CPD: variants seen among roughly 807,000 people sequenced by gnomAD.
CPD encodes metallocarboxypeptidase D.
Under a neutral mutation model 138.3 loss-of-function variants are expected in CPD, and 69 were observed. The observed-to-expected ratio is 0.50, with a 90% CI of 0.41 to 0.61. The LOEUF (loss-of-function observed/expected upper bound fraction) is 0.61. CPD is among the 20% of genes least tolerant of loss of function. CPD has a pLI of 0.00. For synonymous variants in CPD, 651 were observed against 642.1 expected, an observed-to-expected ratio of 1.01 and a Z score of -0.21; for missense variants, 1,432 against 1,733.3, an observed-to-expected ratio of 0.83 and a Z score of 3.09.
At chr17:30,455,530 A>G in intron 15 of CPD, 60 bp downstream of exon 15, 1 of 1,546,770 alleles carries the variant, frequency 6.5e-7, no homozygotes, top group Non-Finnish European at 8.8e-7. Context: ...ATCCCAATTA[A>G]GTAATGTCCC....
At chr17:30,460,092 A>G (rs1421572874) in intron 17 of CPD, among the ~76,000 whole-genome samples, 1 of 152,250 alleles carries the variant, frequency 6.6e-6, no homozygotes, top group Admixed American at 6.5e-5. Context: ...GAAATTAAAG[A>G]CACAAAAAAT....
At chr17:30,419,930 A>G (rs1452356667) in intron 2 of CPD, among the ~76,000 whole-genome samples, 2 of 152,246 alleles carry the variant, frequency 1.3e-5, no homozygotes, top group Non-Finnish European at 2.9e-5. Context: ...GTGTGACATC[A>G]TCTGAGATGC....
intron 2 of CPD, among the ~76,000 whole-genome samples, chr17:30,392,899 T>C (rs1343145184): frequency 2.6e-5 from 4 of 152,224 alleles, no homozygotes; most frequent in Non-Finnish European, 5.9e-5. Flanking sequence ...AGAAATATAG[T>C]TGTCAGGCCT....
intron 13 of CPD, among the ~76,000 whole-genome samples, 164 bp from the exon 14 acceptor site, chr17:30,451,547 T>C (rs1022570360): frequency 2.6e-5 from 4 of 152,208 alleles, no homozygotes; most frequent in Non-Finnish European, 5.9e-5. Flanking sequence ...TTTTAATATA[T>C]TTGAAGCAAA....
At chr17:30,406,313 T>C (rs1233675121) in intron 2 of CPD, among the ~76,000 whole-genome samples, 3 of 152,160 alleles carry the variant, frequency 2.0e-5, no homozygotes, top group Non-Finnish European at 4.4e-5. Context: ...ATCTGACTTT[T>C]AGTAATTGTT....
intron 2 of CPD, among the ~76,000 whole-genome samples, chr17:30,396,750 T>C (rs965362845): frequency 2.6e-5 from 4 of 152,222 alleles, no homozygotes; most frequent in African/African-American, 9.6e-5. Flanking sequence ...ATGGTTACAC[T>C]TTGAGTCTTG....
At position 30,456,273 on chromosome 17, in the gene CPD, C is replaced by T. The variant is rs1913290385; in HGVS notation, c.3355C>T (p.Leu1119=). 1 of 1,613,824 alleles carries T rather than the reference C, an allele frequency of 6.2e-7. No homozygotes were observed. The highest frequency in any genetic ancestry group is 1.3e-5 in the African/African-American group (1 of 74,920). The change falls in exon 16 of 21, where the codon CTG becomes TTG. Residue 1119 remains leucine (L), a synonymous_variant. Coordinates refer to ENST00000225719, the MANE Select transcript of CPD (RefSeq NM_001304.5). ...TTCTATAGTGGAAAATAAAGAGACT[C>T]TGAAGCATTTGGCATCTCTTTATGC... is the stretch of plus-strand genomic sequence containing the variant. The part of the protein sequence containing the change: ...PVQTVENKET[L]KHLASLYANN...
chr17:30,456,771 G>A (rs1597737228), intron 17 of CPD: 1 of 372,652 alleles, frequency 2.7e-6, no homozygotes, highest in East Asian at 5.5e-5. Context: ...GAACCTGGGA[G>A]GCGGAGGTTG....
chr17:30,379,768 A>G lies in CPD; in HGVS notation c.746+42A>G, dbSNP rs545895021. On this transcript the variant is annotated intron_variant, in intron 1 of 20. Coordinates refer to ENST00000225719, the MANE Select transcript of CPD (RefSeq NM_001304.5). This position sits in a 1 kb window ranked among gnomAD's most constrained non-coding sequence, Gnocchi z 7.0. ...CCCTCCCCGTCCGTGTGAGCCTCCA[A>G]GGGCCGAGGCTGGTTCCGGCACCCA... 11 of 1,362,614 alleles carry G rather than the reference A, an allele frequency of 8.1e-6. No individual in the cohort carries two copies. The highest frequency in any genetic ancestry group is 1.5e-5 in the African/African-American group (1 of 65,536). The allele number at this position is 1,362,614 out of a possible 1,614,324, so 84.4% of individuals were successfully genotyped here.
chr17:30,379,335 C>A lies in CPD; in HGVS notation c.355C>A (p.Pro119Thr), dbSNP rs1351383869. 1.3e-6 allele frequency: 2 copies of A among 1,489,912 alleles called. No individual in the cohort carries two copies. Among genetic ancestry groups the A allele is most frequent in the African/African-American group, 1.5e-5 (1 of 68,274 alleles). 92.3% of individuals were successfully genotyped at this position (1,489,912 alleles called of 1,614,324 possible). Residue 119 changes from proline (P) to threonine (T), a missense_variant, in exon 1 of 21, where the codon CCC (proline) becomes ACC (threonine). By Grantham distance (38) the Pro-to-Thr change is conservative (BLOSUM62 -1). This residue lies in a region of CPD where 484 missense variants were observed against 477.2 expected (regional missense o/e 1.01). Coordinates refer to ENST00000225719, the MANE Select transcript of CPD (RefSeq NM_001304.5). This position sits in a 1 kb window ranked among gnomAD's most constrained non-coding sequence, Gnocchi z 7.0. ...CGACGCGGGGCCTGACGCTGCCGGG[C>A]CCGACGCTGCGGGGCCGCTGCTGCC... is the stretch of plus-strand genomic sequence containing the variant. ...EGDAGPDAAGPDAAGPLLPGR... is the reference protein window; with the variant it reads ...EGDAGPDAAGTDAAGPLLPGR...
Position 30,385,048 on chromosome 17 carries a change from A to G in CPD, c.806A>G (p.Asp269Gly). Residue 269 changes from aspartate to glycine, a missense_variant, in exon 2 of 21, where the codon GAT becomes GGT. Asp to Gly is a moderately conservative substitution (Grantham distance 94, BLOSUM62 -1). This residue lies in a region of CPD where 484 missense variants were observed against 477.2 expected (regional missense o/e 1.01). Coordinates refer to ENST00000225719, the MANE Select transcript of CPD (RefSeq NM_001304.5). ...GSVVASYPFDDSPEHKATGIY... is the reference protein window; with the variant it reads ...GSVVASYPFDGSPEHKATGIY... ...GTGGTAGCAAGCTATCCTTTTGATG[A>G]TTCTCCAGAACATAAGGCCACTGGA... 1 of 1,614,084 alleles carries G rather than the reference A, an allele frequency of 6.2e-7. No individual in the cohort carries two copies. The highest frequency in any genetic ancestry group is 1.1e-5 in the South Asian group (1 of 91,082).
At chr17:30,461,044 A>T in intron 17 of CPD, 136 bp from the exon 18 acceptor site, 2 of 573,018 alleles carry the variant, frequency 3.5e-6, no homozygotes, top group Non-Finnish European at 5.6e-6. Flanking sequence ...TATATTTGTC[A>T]TAAAATGCTT....
intron 2 of CPD, among the ~76,000 whole-genome samples, chr17:30,398,896 A>G (rs963177942): frequency 1.1e-4 from 17 of 151,416 alleles, no homozygotes; most frequent in African/African-American, 3.9e-4. Flanking sequence ...CAAAACTTGA[A>G]GTTGATGAAT....
intron 3 of CPD, among the ~76,000 whole-genome samples, chr17:30,421,257 C>A (rs1443591229): frequency 1.3e-5 from 2 of 152,092 alleles, no homozygotes; most frequent in African/African-American, 4.8e-5. Flanking sequence ...AAATAATTAG[C>A]CAAATTTGTA....
chr17:30,455,039 C>T (rs1158776198), intron 14 of CPD: 2 of 193,470 alleles, frequency 1.0e-5, no homozygotes, highest in African/African-American at 4.7e-5. Flanking sequence ...TATATATTCC[C>T]TAAATTATTT....
Position 30,468,267 on chromosome 17 carries a change from A to G in CPD, c.*3453A>G, listed in dbSNP as rs571434768. ...GAGGCAGTTGGATATAAATTATGTA[A>G]ATATGTATGATTATGATTTTTATAA... On this transcript the variant is annotated 3_prime_UTR_variant, in exon 21 of 21. Transcript: ENST00000225719. 2 of 152,710 alleles carry G rather than the reference A, an allele frequency of 1.3e-5. No homozygotes were observed. Among genetic ancestry groups the G allele is most frequent in the East Asian group, 3.9e-4 (2 of 5,188 alleles). The allele number at this position is 152,710 out of a possible 1,614,324, so 9.5% of individuals were successfully genotyped here. A position where few individuals can be genotyped will look rare whatever the true frequency, so the allele number is the denominator to read the frequency against.
At chr17:30,444,061 T>A in intron 11 of CPD, 90 bp downstream of exon 11, 1 of 1,386,652 alleles carries the variant, frequency 7.2e-7, no homozygotes, top group Non-Finnish European at 9.9e-7. Flanking sequence ...CTAGAGAGCC[T>A]GTTAAGCAAC....
At chr17:30,451,371 A>G (rs1597735006) in intron 13 of CPD, among the ~76,000 whole-genome samples, 1 of 152,208 alleles carries the variant, frequency 6.6e-6, no homozygotes, top group East Asian at 1.9e-4. Flanking sequence ...ATTAGAGCAC[A>G]AAACAGTCAT....
At chr17:30,402,129 C>G (rs1287358250) in intron 2 of CPD, among the ~76,000 whole-genome samples, 2 of 151,410 alleles carry the variant, frequency 1.3e-5, no homozygotes, top group Non-Finnish European at 2.9e-5. Context: ...CTCACTTTTT[C>G]CTATCATTTC....
Sources: allele counts gnomAD v4.1 joint callset (sites outside exome capture counted in the v4.1 genomes callset), GRCh38; gene constraint gnomAD v4.1.1; regional missense constraint gnomAD v4.1.1; non-coding constraint Gnocchi (gnomAD v3.1); transcripts MANE v1.5; gene names NCBI Gene and HGNC (gene_info 2026-07-23, HGNC 2026-07-21).